The following MCMDC2 variants were observed in gnomAD, a reference collection of about 807,000 sequenced individuals.
MCMDC2 encodes the protein minichromosome maintenance domain containing 2, also known as minichromosome maintenance domain-containing protein 2.
Under a neutral mutation model 75.8 loss-of-function variants are expected in MCMDC2, and 54 were observed. That is an observed-to-expected ratio of 0.71 (90% CI 0.57 to 0.89). The LOEUF is 0.89. Among genes scored for constraint, MCMDC2 ranks in the 40% least tolerant of loss-of-function variants. The pLI is 0.00. For synonymous variants in MCMDC2, 249 were observed against 274.6 expected (o/e 0.91, Z 0.92); for missense variants, 656 against 780.4 (o/e 0.84, Z 1.90).
chr8:66,925,656 G>C (rs1399122609), downstream of MCMDC2: 1 of 152,274 alleles, frequency 6.6e-6, no homozygotes, highest in East Asian at 1.9e-4. Flanking sequence ...GCTCTGGGGA[G>C]GGGGCGGAGG....
At chr8:66,873,037 C>G (rs931108798) in intron 1 of MCMDC2, among the ~76,000 whole-genome samples, 6 of 151,522 alleles carry the variant, frequency 4.0e-5, no homozygotes, top group Admixed American at 3.9e-4. Context: ...TCTGTCTCTG[C>G]CTAGCAACTT....
In MCMDC2 at chr8:66,878,914, T is replaced by C; in HGVS notation, c.704T>C (p.Leu235Pro). Residue 235 changes from leucine (L) to proline (P), a missense_variant, in exon 7 of 15, where the codon CTA becomes CCA. Coordinates refer to ENST00000422365, the MANE Select transcript of MCMDC2 (RefSeq NM_173518.5). ...PFRFQSLTIF[L>P]RDESVNKMNI... ...AGGTTTCAATCACTTACAATTTTCC[T>C]AAGAGGTAAGTGAATTCTGTTTGAA... The C allele has an allele frequency of 1.3e-6, 2 of 1,587,708 alleles. No individual in the cohort carries two copies. Among genetic ancestry groups the C allele is most frequent in the South Asian group, 1.1e-5 (1 of 89,626 alleles).
intron 9 of MCMDC2, 29 bp downstream of exon 9, chr8:66,884,023 T>C: frequency 7.0e-7 from 1 of 1,421,540 alleles, no homozygotes. Context: ...TTTTTACAAA[T>C]ATTAATTGGT....
In MCMDC2 at chr8:66,877,438, G is replaced by A. The variant is rs1361862504; in HGVS notation, c.375G>A (p.Gln125=). 9 of 1,612,868 alleles carry A rather than the reference G, an allele frequency of 5.6e-6. No homozygotes were observed. The Admixed American group carries it at 1.3e-4, about 24-fold the overall frequency. The change falls in exon 5 of 15, where the codon CAG becomes CAA. Residue 125 remains glutamine, a synonymous_variant. Coordinates refer to ENST00000422365, the MANE Select transcript of MCMDC2 (RefSeq NM_173518.5). ...AGTTTCCACTTGATTATACATCTCAGAGATTTTATATGATGCAAGGAATTG... is the reference window on the plus strand; with the variant it reads ...AGTTTCCACTTGATTATACATCTCAAAGATTTTATATGATGCAAGGAATTG... ...LCEFPLDYTS[Q]RFYMMQGIVI...
At chr8:66,885,468 T>A (rs1811796012) in intron 9 of MCMDC2, among the ~76,000 whole-genome samples, 1 of 152,206 alleles carries the variant, frequency 6.6e-6, no homozygotes, top group Non-Finnish European at 1.5e-5. Flanking sequence ...AACCTCCCAT[T>A]CTTGATCATT....
chr8:66,880,832 G>C lies in MCMDC2; in HGVS notation c.710-17G>C. On this transcript the variant is annotated splice_polypyrimidine_tract_variant and intron_variant, in intron 7 of 14. Transcript: ENST00000422365. ...ATTTAGTGAATATGTATTTTCTTCT[G>C]TCTTTAATAATTTTAGATGAATCAG... 1 of 1,516,314 alleles carries C rather than the reference G, an allele frequency of 6.6e-7. No homozygotes were observed. The highest frequency in any genetic ancestry group is 1.3e-5 in the South Asian group (1 of 74,246). 93.9% of individuals were successfully genotyped at this position (1,516,314 alleles called of 1,614,324 possible).
chr8:66,901,133 A>C (rs1205304503), intron 12 of MCMDC2, 73 bp from the exon 13 acceptor site: 2 of 1,053,340 alleles, frequency 1.9e-6, no homozygotes, highest in East Asian at 4.8e-5. Context: ...ATAAAGTGCC[A>C]GTATACTTTT....
At position 66,922,022 on chromosome 8, in the gene MCMDC2, C is replaced by T. The variant is rs1813557340; in HGVS notation, c.*2853C>T. The T allele has an allele frequency of 1.3e-5, 2 of 153,262 alleles. No homozygotes were observed. Among genetic ancestry groups the T allele is most frequent in the Admixed American group, 6.5e-5 (1 of 15,398 alleles). The allele number at this position is 153,262 out of a possible 1,614,324, so 9.5% of individuals were successfully genotyped here. A position where few individuals can be genotyped will look rare whatever the true frequency, so the allele number is the denominator to read the frequency against. ...CCATAATTTATTGTGATGTTATCAA[C>T]ATCAAGTAAAATGCTCATTTTCATC... On this transcript the variant is annotated 3_prime_UTR_variant, in exon 15 of 15. Transcript: ENST00000422365.
At position 66,900,202 on chromosome 8, in the gene MCMDC2, C is replaced by T. The variant is rs186143680; in HGVS notation, c.1627-1004C>T. On this transcript the variant is annotated intron_variant, in intron 12 of 14. Transcript: ENST00000422365. ...CTGTAATCCCAGCACTTTGGGAGGC[C>T]GAGGTGGGCGGATCACCTGAGGTCA... Among the ~76,000 whole-genome samples the T allele has an allele frequency of 2.0e-4, 30 of 150,402 alleles. No individual in the cohort carries two copies. The East Asian group carries it at 4.8e-3, about 24-fold the overall frequency.
At chr8:66,901,119 A>T in intron 12 of MCMDC2, 87 bp from the exon 13 acceptor site, 1 of 960,358 alleles carries the variant, frequency 1.0e-6, no homozygotes, top group Non-Finnish European at 1.6e-6. Flanking sequence ...GCAAACTTGT[A>T]AAAATAAAGT....
At chr8:66,875,585 A>G (rs1811245525) in intron 4 of MCMDC2, among the ~76,000 whole-genome samples, 1 of 152,126 alleles carries the variant, frequency 6.6e-6, no homozygotes, top group Admixed American at 6.6e-5. Flanking sequence ...GGCCATGGAC[A>G]TTTTTGTTAT....
At chr8:66,910,450 C>A (rs565368050) in intron 14 of MCMDC2, among the ~76,000 whole-genome samples, 2 of 152,344 alleles carry the variant, frequency 1.3e-5, no homozygotes, top group East Asian at 3.9e-4. Context: ...GCTGTGGGAG[C>A]CCCTCTCTTA....
chr8:66,923,665 G>T (rs1322076589), downstream of MCMDC2, among the ~76,000 whole-genome samples: 1 of 152,092 alleles, frequency 6.6e-6, no homozygotes, highest in African/African-American at 2.4e-5. Flanking sequence ...GTGGGGTCGG[G>T]GCGGGTGGAT....
chr8:66,925,750 G>C (rs1813701214), downstream of MCMDC2, among the ~76,000 whole-genome samples: 2 of 152,188 alleles, frequency 1.3e-5, no homozygotes, highest in South Asian at 4.1e-4. Flanking sequence ...TTATGTGGGG[G>C]CTTTGTGACT....
chr8:66,907,763 A>G (rs1161478015), intron 14 of MCMDC2, among the ~76,000 whole-genome samples: 3 of 152,120 alleles, frequency 2.0e-5, no homozygotes, highest in Non-Finnish European at 2.9e-5. Flanking sequence ...AATGATCACC[A>G]TTCTAACTGT....
At chr8:66,901,132 C>T in intron 12 of MCMDC2, 74 bp from the exon 13 acceptor site, 2 of 1,049,128 alleles carry the variant, frequency 1.9e-6, no homozygotes, top group South Asian at 2.9e-5. Context: ...AATAAAGTGC[C>T]AGTATACTTT....
At chr8:66,892,608 A>G (rs1812162399) in intron 10 of MCMDC2, among the ~76,000 whole-genome samples, 1 of 152,172 alleles carries the variant, frequency 6.6e-6, no homozygotes, top group Non-Finnish European at 1.5e-5. Context: ...GAATGGAGGA[A>G]GTACATGCTG....
intron 8 of MCMDC2, among the ~76,000 whole-genome samples, chr8:66,882,550 G>A (rs999660459): frequency 2.0e-5 from 3 of 152,044 alleles, no homozygotes; most frequent in African/African-American, 7.2e-5. Context: ...ATTTTTAATA[G>A]AGATGGGGTT....
chr8:66,917,772 T>C (rs1202250824), intron 14 of MCMDC2, among the ~76,000 whole-genome samples: 1 of 152,252 alleles, frequency 6.6e-6, no homozygotes, highest in Non-Finnish European at 1.5e-5. Flanking sequence ...CATCCTTTTG[T>C]ATGTAAATAG....
Sources: gnomAD v4.1 joint callset for allele counts (sites outside exome capture counted in the v4.1 genomes callset) on GRCh38, gnomAD v4.1.1 for gene constraint, MANE v1.5 for transcripts, NCBI Gene and HGNC (gene_info 2026-07-23, HGNC 2026-07-21) for gene names.